The following CBR4 variants were observed in gnomAD, a reference collection of about 807,000 sequenced individuals.
CBR4 encodes carbonyl reductase 4.
CBR4 carries 22 observed loss-of-function variants against 21.0 expected under a neutral mutation model. The ratio of observed to expected loss-of-function variants is 1.05; its 90% CI spans 0.75 to 1.50. CBR4 has a LOEUF of 1.50. Ranked by LOEUF, CBR4 falls within the 40% of genes most tolerant of loss-of-function variation. The pLI, the probability that CBR4 is intolerant of heterozygous loss-of-function variation, is 0.00. For missense variants in CBR4, 302 were observed against 286.3 expected (o/e 1.05, Z -0.40); for synonymous variants, 100 against 104.4 (o/e 0.96, Z 0.26).
chr4:168,915,483 T>C (rs973633398), intron 2 of CBR4, among the ~76,000 whole-genome samples: 3 of 152,216 alleles, frequency 2.0e-5, no homozygotes, highest in Admixed American at 2.0e-4. Flanking sequence ...ATTAAAAATA[T>C]ATTGAATTTT....
intron 2 of CBR4, among the ~76,000 whole-genome samples, chr4:168,906,178 T>C (rs1757759037): frequency 6.6e-6 from 1 of 152,230 alleles, no homozygotes; most frequent in Non-Finnish European, 1.5e-5. Context: ...TGGGATGGAA[T>C]TATCTGTGGT....
chr4:168,913,279 G>T lies in CBR4; in HGVS notation n.170-18514C>A, dbSNP rs531682480. On this transcript the variant is annotated intron_variant and non_coding_transcript_variant, in intron 2 of 3. Transcript: ENST00000509108. Reference sequence around the variant, plus strand: ...AGCCTCCCAAGTAGCTGGGACTATAGGTGCATGCCACCACGCCCGGCTAAT... The same window carrying T: ...AGCCTCCCAAGTAGCTGGGACTATATGTGCATGCCACCACGCCCGGCTAAT... 2.6e-4 allele frequency among the ~76,000 whole-genome samples: 39 copies of T among 151,914 alleles called. No homozygotes were observed. The East Asian group carries it at 7.0e-3, about 27-fold the overall frequency.
intron 2 of CBR4, among the ~76,000 whole-genome samples, chr4:168,960,284 C>T (rs144004156): frequency 8.5e-5 from 13 of 152,214 alleles, no homozygotes; most frequent in African/African-American, 2.6e-4. Context: ...TTGTTTTTAA[C>T]GCAGTAAACA....
At chr4:168,921,367 A>G (rs138959142) in intron 2 of CBR4, among the ~76,000 whole-genome samples, 1,490 of 131,398 alleles carry the variant, frequency 0.011, 45 homozygotes, top group African/African-American at 0.04. Context: ...AGATTGTGCC[A>G]CTGCACTCCA....
chr4:168,928,309 C>A (rs1036792964), intron 2 of CBR4: 1 of 152,210 alleles, frequency 6.6e-6, no homozygotes, highest in African/African-American at 2.7e-5. Flanking sequence ...TATTTTGCCA[C>A]CTTTATATTG....
intron 2 of CBR4, among the ~76,000 whole-genome samples, chr4:168,948,327 T>TA (rs1578921035): frequency 6.6e-6 from 1 of 152,232 alleles, no homozygotes; most frequent in East Asian, 1.9e-4. Flanking sequence ...GTTGTCTGTT[T>TA]AGTCTGCTGA....
chr4:168,913,117 G>A (rs1378201120), intron 2 of CBR4, among the ~76,000 whole-genome samples: 1 of 148,376 alleles, frequency 6.7e-6, no homozygotes, highest in African/African-American at 2.5e-5. Flanking sequence ...TGTATGGTTT[G>A]GGGAAGGGAT....
chr4:168,929,188 A>G (rs766907280), intron 2 of CBR4, among the ~76,000 whole-genome samples: 10 of 152,064 alleles, frequency 6.6e-5, no homozygotes, highest in Non-Finnish European at 1.3e-4. Flanking sequence ...GGAATGAGAT[A>G]TTACACACAC....
chr4:168,951,363 T>C (rs759184785), intron 2 of CBR4, among the ~76,000 whole-genome samples: 4 of 152,226 alleles, frequency 2.6e-5, no homozygotes, highest in Non-Finnish European at 5.9e-5. Context: ...GCCAGTTCTG[T>C]ATCTTTTAAG....
intron 2 of CBR4, among the ~76,000 whole-genome samples, chr4:168,906,621 G>T (rs971376154): frequency 1.3e-5 from 2 of 151,986 alleles, no homozygotes; most frequent in South Asian, 2.1e-4. Context: ...GAATAAAAAA[G>T]AAATTTTTGT....
chr4:168,971,781 AG>A (rs1764218092), intron 2 of CBR4, among the ~76,000 whole-genome samples: 1 of 152,172 alleles, frequency 6.6e-6, no homozygotes, highest in Non-Finnish European at 1.5e-5. Context: ...GCTGTGCAGA[AG>A]CTTTTTAGTT....
chr4:168,917,049 GTTTT>G (rs1190179892), intron 2 of CBR4, among the ~76,000 whole-genome samples: 6 of 124,890 alleles, frequency 4.8e-5, no homozygotes, highest in East Asian at 4.4e-4. Flanking sequence ...TTTTTTTGGG[GTTTT>G]TTTTTTTTTT....
chr4:168,944,843 C>T (rs911588669), intron 2 of CBR4, among the ~76,000 whole-genome samples: 1 of 152,004 alleles, frequency 6.6e-6, no homozygotes, highest in Non-Finnish European at 1.5e-5. Flanking sequence ...CTTACTGACT[C>T]TCATAAATAC....
At chr4:168,985,841 G>C (rs1325284417), downstream of CBR4, among the ~76,000 whole-genome samples, 1 of 152,158 alleles carries the variant, frequency 6.6e-6, no homozygotes, top group East Asian at 1.9e-4. Context: ...TTTAGAATAA[G>C]TGGGAGCTAA....
intron 2 of CBR4, among the ~76,000 whole-genome samples, chr4:168,967,550 T>A (rs1225579193): frequency 6.6e-6 from 1 of 152,188 alleles, no homozygotes; most frequent in Non-Finnish European, 1.5e-5. Flanking sequence ...AAAGGAATAA[T>A]GGACCTTGGA....
chr4:168,972,048 C>T (rs927402287), intron 2 of CBR4, among the ~76,000 whole-genome samples: 1 of 152,204 alleles, frequency 6.6e-6, no homozygotes, highest in Non-Finnish European at 1.5e-5. Flanking sequence ...ATAGGGTGTG[C>T]TTTCCCCCAC....
intron 2 of CBR4, among the ~76,000 whole-genome samples, chr4:168,912,658 G>A (rs1759226907): frequency 6.6e-6 from 1 of 152,176 alleles, no homozygotes; most frequent in South Asian, 2.1e-4. Context: ...TTCAAAGCAT[G>A]TATACAACGT....
chr4:168,904,712 T>C (rs1451723354), intron 2 of CBR4, among the ~76,000 whole-genome samples: 1 of 152,210 alleles, frequency 6.6e-6, no homozygotes, highest in Non-Finnish European at 1.5e-5. Flanking sequence ...AGCAGTTTTC[T>C]CTAGAAGTCA....
chr4:168,925,715 T>G (rs1276828630), intron 2 of CBR4, among the ~76,000 whole-genome samples: 1 of 152,192 alleles, frequency 6.6e-6, no homozygotes, highest in Non-Finnish European at 1.5e-5. Context: ...TAAGAATTTA[T>G]TTAAGAATTT....
Sources: allele counts gnomAD v4.1 joint callset (sites outside exome capture counted in the v4.1 genomes callset), GRCh38; gene constraint gnomAD v4.1.1; transcripts MANE v1.5; gene names NCBI Gene and HGNC (gene_info 2026-07-23, HGNC 2026-07-21).